The following NCOA1 variants were observed in gnomAD, a reference collection of about 807,000 sequenced individuals.
NCOA1 encodes the protein nuclear receptor coactivator 1, also known as Hin-2 protein.
A neutral mutation model predicts 150.9 loss-of-function variants in NCOA1; 35 were observed. That is an observed-to-expected ratio of 0.23 (90% CI 0.18 to 0.31). NCOA1 has a LOEUF of 0.31. Among genes scored for constraint, NCOA1 ranks in the 10% least tolerant of loss-of-function variants. NCOA1 has a pLI of 1.00. For missense variants in NCOA1, 1,491 were observed against 1,749.3 expected (o/e 0.85, Z 2.63); for synonymous variants, 590 against 630.0 (o/e 0.94, Z 0.95).
At chr2:24,766,045 C>A (rs938262092) in intron 22 of NCOA1, among the ~76,000 whole-genome samples, 1 of 151,970 alleles carries the variant, frequency 6.6e-6, no homozygotes, top group Non-Finnish European at 1.5e-5. Context: ...GAATGACAGG[C>A]GTGTGCCACC....
Position 24,657,374 on chromosome 2 carries a change from A to G in NCOA1, c.-17-1287A>G, listed in dbSNP as rs955065900. 2.6e-5 allele frequency among the ~76,000 whole-genome samples: 4 copies of G among 152,254 alleles called. No individual in the cohort carries two copies. In the South Asian group the frequency reaches 8.3e-4, roughly 31 times the overall value. On this transcript the variant is annotated intron_variant, in intron 4 of 22. Coordinates refer to ENST00000348332, the MANE Select transcript of NCOA1 (RefSeq NM_003743.5). Reference sequence around the variant, plus strand: ...ATCTGGGAATGAAGAAGGAAGAGACAATCTTGTTAAGGAAAAATTAGCAGG... The same window carrying G: ...ATCTGGGAATGAAGAAGGAAGAGACGATCTTGTTAAGGAAAAATTAGCAGG...
At chr2:24,711,679 G>T (rs1271508285) in intron 14 of NCOA1, among the ~76,000 whole-genome samples, 1 of 152,200 alleles carries the variant, frequency 6.6e-6, no homozygotes, top group Non-Finnish European at 1.5e-5. Context: ...TTTCCATGAA[G>T]TTGCTTAGGA....
rs900457943 is a variant in NCOA1 at position 24,770,571 on chromosome 2, A to G, written c.*2180A>G. On this transcript the variant is annotated 3_prime_UTR_variant, in exon 23 of 23. Transcript: ENST00000348332. ...AAATTCACTTTTCCAGCTACTGAAT[A>G]GAATTTGTTTAACAACCTCATGGGT... 7 of 214,246 alleles carry G rather than the reference A, an allele frequency of 3.3e-5. No homozygotes were observed. The highest frequency in any genetic ancestry group is 9.0e-5 in the African/African-American group (4 of 44,296). 13.3% of individuals were successfully genotyped at this position (214,246 alleles called of 1,614,324 possible). A position where few individuals can be genotyped will look rare whatever the true frequency, so the allele number is the denominator to read the frequency against.
intron 20 of NCOA1, among the ~76,000 whole-genome samples, chr2:24,756,027 A>C (rs1285245205): frequency 7.1e-6 from 1 of 141,404 alleles, no homozygotes. Context: ...TGAGGTCAGG[A>C]GGTTGAGACC....
At chr2:24,705,256 C>T in intron 12 of NCOA1, 23 bp downstream of exon 12, 2 of 1,609,992 alleles carry the variant, frequency 1.2e-6, no homozygotes, top group Non-Finnish European at 1.7e-6. Context: ...TGGAGAGCTT[C>T]ATATGAAATA....
At chr2:24,525,850 AT>A (rs745780569) in intron 1 of NCOA1, among the ~76,000 whole-genome samples, 16 of 152,056 alleles carry the variant, frequency 1.1e-4, no homozygotes, top group Non-Finnish European at 1.6e-4. Flanking sequence ...GCCCGACCTT[AT>A]GTTAGAAATT....
intron 2 of NCOA1, among the ~76,000 whole-genome samples, chr2:24,568,887 G>T (rs764569870): frequency 6.6e-6 from 1 of 152,204 alleles, no homozygotes; most frequent in African/African-American, 2.4e-5. Flanking sequence ...ATACAGGTGT[G>T]TTACTGTTTA....
rs1375445597 is a variant in NCOA1, at chr2:24,509,978, G to A, written c.-396+18376G>A. 7.2e-5 allele frequency among the ~76,000 whole-genome samples: 11 copies of A among 152,214 alleles called. No individual in the cohort carries two copies. In the East Asian group the frequency reaches 2.1e-3, roughly 29 times the overall value. ...AAGTACTTACCACTAATATTTGCAT[G>A]TGTGACAGACTAAGAAAGAAATAGG... On this transcript the variant is annotated intron_variant, in intron 1 of 22. Transcript: ENST00000348332.
intron 3 of NCOA1, among the ~76,000 whole-genome samples, chr2:24,584,888 T>C (rs1667336622): frequency 6.6e-6 from 1 of 152,216 alleles, no homozygotes; most frequent in African/African-American, 2.4e-5. Flanking sequence ...TTTTAAATAT[T>C]ACAACTCTAT....
chr2:24,693,645 A>G (rs1221353134), intron 10 of NCOA1, among the ~76,000 whole-genome samples: 1 of 152,208 alleles, frequency 6.6e-6, no homozygotes, highest in East Asian at 1.9e-4. Context: ...GAAGATATAG[A>G]TATGTAAATA....
chr2:24,699,084 C>G (rs908800496), intron 11 of NCOA1, among the ~76,000 whole-genome samples: 4 of 152,156 alleles, frequency 2.6e-5, no homozygotes, highest in Admixed American at 1.3e-4. Flanking sequence ...GAAACCATTA[C>G]AATAAGTAAC....
At chr2:24,644,919 A>G (rs1375922286) in intron 4 of NCOA1, among the ~76,000 whole-genome samples, 1 of 152,176 alleles carries the variant, frequency 6.6e-6, no homozygotes, top group Non-Finnish European at 1.5e-5. Flanking sequence ...CTCTTCATCC[A>G]TGTGTCCCAG....
intron 2 of NCOA1, among the ~76,000 whole-genome samples, chr2:24,581,469 C>G (rs566492660): frequency 6.6e-6 from 1 of 152,040 alleles, no homozygotes; most frequent in South Asian, 2.1e-4. Flanking sequence ...TTGTTTTTTA[C>G]TTCTGTTTTT....
At chr2:24,695,461 G>A (rs1419627257) in intron 10 of NCOA1, among the ~76,000 whole-genome samples, 2 of 151,998 alleles carry the variant, frequency 1.3e-5, no homozygotes, top group African/African-American at 4.8e-5. Context: ...TATTAAAAGG[G>A]CATCACTATA....
intron 8 of NCOA1, among the ~76,000 whole-genome samples, chr2:24,689,677 C>T (rs762115699): frequency 3.0e-4 from 45 of 152,324 alleles, no homozygotes; most frequent in Admixed American, 1.6e-3. Context: ...AGGCGTGAGC[C>T]GCCACGCGTG....
intron 19 of NCOA1, among the ~76,000 whole-genome samples, chr2:24,747,417 A>G (rs1345733730): frequency 2.0e-5 from 3 of 146,604 alleles, no homozygotes; most frequent in East Asian, 4.0e-4. Context: ...GCAGTGTCCA[A>G]CTCCTGGTCT....
rs1386689578 is a variant in NCOA1, at chr2:24,705,196, A to G, written c.1060A>G (p.Met354Val). The G allele has an allele frequency of 5.0e-6, 8 of 1,613,890 alleles. No homozygotes were observed. Among genetic ancestry groups the G allele is most frequent in the Admixed American group, 1.7e-5 (1 of 60,010 alleles). Residue 354 changes from methionine to valine, a missense_variant, in exon 12 of 23, where the codon ATG becomes GTG. Transcript: ENST00000348332. The part of the protein sequence containing the change: ...CKLCYPQSPD[M>V]QPFIMGIHII... ...ACTTTGCTACCCTCAAAGTCCAGAC[A>G]TGCAACCTTTCATCATGGGAATTCA...
chr2:24,702,091 A>G (rs1673191909), intron 11 of NCOA1, among the ~76,000 whole-genome samples: 1 of 152,254 alleles, frequency 6.6e-6, no homozygotes. Context: ...TATAAAACAT[A>G]AAGTACCGAT....
intron 1 of NCOA1, among the ~76,000 whole-genome samples, chr2:24,495,094 T>G (rs1263680557): frequency 1.5e-5 from 2 of 137,706 alleles, no homozygotes; most frequent in Non-Finnish European, 3.3e-5. Flanking sequence ...ATGAAGGTGT[T>G]TTTTTTTTGT....
Sources: allele counts gnomAD v4.1 joint callset (sites outside exome capture counted in the v4.1 genomes callset), GRCh38; gene constraint gnomAD v4.1.1; transcripts MANE v1.5; gene names NCBI Gene and HGNC (gene_info 2026-07-23, HGNC 2026-07-21).